Variants in TBL1XR1 observed in about 807,000 individuals in gnomAD.
The protein encoded by TBL1XR1 is TBL1X/Y related 1.
Under a neutral mutation model 66.9 loss-of-function variants are expected in TBL1XR1, and 5 were observed. That is an observed-to-expected ratio of 0.07 (90% confidence interval 0.04 to 0.16). The LOEUF is 0.16. TBL1XR1 is among the 10% of genes least tolerant of loss of function. TBL1XR1 has a pLI of 1.00. For missense variants in TBL1XR1, 238 were observed against 623.2 expected (o/e 0.38, Z 6.58); for synonymous variants, 210 against 206.0 (o/e 1.02, Z -0.17).
chr3:177,201,414 C>CAAAAAAAAAAAAAAAAAAAAAAAAA (rs557996871), upstream of TBL1XR1, among the ~76,000 whole-genome samples: 1 of 41,356 alleles, frequency 2.4e-5, no homozygotes, highest in Non-Finnish European at 5.7e-5. Flanking sequence ...GATTACATCT[C>CAAAAAAAAAAAAAAAAAAAAAAAAA]AAAAAAAAAA....
At chr3:177,152,984 T>TA (rs936679635) in intron 1 of TBL1XR1, among the ~76,000 whole-genome samples, 2 of 151,734 alleles carry the variant, frequency 1.3e-5, no homozygotes, top group Non-Finnish European at 2.9e-5. Context: ...CTACTAAAAA[T>TA]AAAAAAACTA....
chr3:177,084,483 G>A (rs1399719438), intron 2 of TBL1XR1, among the ~76,000 whole-genome samples: 2 of 152,218 alleles, frequency 1.3e-5, no homozygotes, highest in Non-Finnish European at 2.9e-5. Flanking sequence ...TGCAGACATC[G>A]ATGCCTTGGT....
chr3:177,071,993 T>C (rs1247990675), intron 2 of TBL1XR1, among the ~76,000 whole-genome samples: 2 of 152,178 alleles, frequency 1.3e-5, no homozygotes, highest in Non-Finnish European at 2.9e-5. Flanking sequence ...CATCACTCCA[T>C]AACCACACTG....
intron 1 of TBL1XR1, among the ~76,000 whole-genome samples, chr3:177,129,017 C>T (rs1343913189): frequency 6.6e-6 from 1 of 152,150 alleles, no homozygotes; most frequent in Non-Finnish European, 1.5e-5. Flanking sequence ...TCATGTTCAG[C>T]ACGGTCATTT....
intron 10 of TBL1XR1, among the ~76,000 whole-genome samples, chr3:177,040,684 T>C (rs573886960): frequency 6.6e-6 from 1 of 152,230 alleles, no homozygotes; most frequent in Admixed American, 6.5e-5. Context: ...GTGAAATTGA[T>C]TTCACTGCCT....
intron 1 of TBL1XR1, among the ~76,000 whole-genome samples, chr3:177,154,013 A>G (rs1052783023): frequency 3.9e-5 from 6 of 152,030 alleles, no homozygotes; most frequent in Non-Finnish European, 8.8e-5. Context: ...AAAAAAAAAG[A>G]ACAGATAAGA....
chr3:177,105,847 T>G lies in TBL1XR1; in HGVS notation c.-121-7306A>C, dbSNP rs903387674. On this transcript the variant is annotated intron_variant, in intron 1 of 15. Coordinates refer to ENST00000457928, the MANE Select transcript of TBL1XR1 (RefSeq NM_024665.7). ...GGGACTGAGAACCACTGGGTGGGGG[T>G]GGGAAGGGAAGGGACAGGATGGAGA... Among the ~76,000 whole-genome samples the G allele has an allele frequency of 4.0e-5, 6 of 151,036 alleles. No homozygotes were observed. The South Asian group carries it at 1.3e-3, about 32-fold the overall frequency.
At chr3:177,041,517 G>GTT (rs748448633) in intron 10 of TBL1XR1, among the ~76,000 whole-genome samples, 24 of 152,218 alleles carry the variant, frequency 1.6e-4, no homozygotes, top group Middle Eastern at 3.4e-3. Context: ...TCACTCAAAT[G>GTT]TTTGGCACAG....
chr3:177,037,194 T>G (rs918101249), intron 12 of TBL1XR1, among the ~76,000 whole-genome samples: 6 of 152,178 alleles, frequency 3.9e-5, no homozygotes, highest in Non-Finnish European at 8.8e-5. Context: ...CGCAAAGAAT[T>G]CCAATCAAAT....
At chr3:177,182,630 T>A (rs1320692256) in intron 1 of TBL1XR1, among the ~76,000 whole-genome samples, 1 of 152,146 alleles carries the variant, frequency 6.6e-6, no homozygotes, top group East Asian at 1.9e-4. Context: ...GAGAGAGACC[T>A]GTTTTCAAGG....
At chr3:177,038,958 C>T (rs1366407265) in intron 10 of TBL1XR1, among the ~76,000 whole-genome samples, 6 of 152,052 alleles carry the variant, frequency 3.9e-5, no homozygotes, top group Admixed American at 3.9e-4. Context: ...TCTGAAAATC[C>T]AAAATCCACA....
intron 1 of TBL1XR1, among the ~76,000 whole-genome samples, chr3:177,109,774 G>A (rs1008348087): frequency 1.3e-5 from 2 of 151,980 alleles, no homozygotes; most frequent in Admixed American, 1.3e-4. Flanking sequence ...GAAGTTGGGG[G>A]GAAGAGAGGT....
chr3:177,069,358 G>T (rs1295760608), intron 2 of TBL1XR1, among the ~76,000 whole-genome samples: 8 of 152,130 alleles, frequency 5.3e-5, no homozygotes, highest in African/African-American at 1.7e-4. Flanking sequence ...ATCTCATTAA[G>T]AAATATTTCA....
intron 2 of TBL1XR1, among the ~76,000 whole-genome samples, chr3:177,073,734 C>T (rs1028361460): frequency 2.6e-5 from 4 of 152,140 alleles, no homozygotes; most frequent in African/African-American, 9.7e-5. Flanking sequence ...CCAAACTTAC[C>T]CCATTTGCTA....
chr3:177,070,029 TA>T (rs1719760727), intron 2 of TBL1XR1, among the ~76,000 whole-genome samples: 1 of 152,220 alleles, frequency 6.6e-6, no homozygotes, highest in Non-Finnish European at 1.5e-5. Flanking sequence ...AATGCTTTTT[TA>T]AAAAACAGAA....
At chr3:177,131,186 T>C (rs1221220702) in intron 1 of TBL1XR1, among the ~76,000 whole-genome samples, 2 of 152,136 alleles carry the variant, frequency 1.3e-5, no homozygotes, top group Admixed American at 6.5e-5. Context: ...CGGGAATCCA[T>C]GTCAAGCGTA....
At chr3:177,103,402 CA>C (rs1286139351) in intron 1 of TBL1XR1, among the ~76,000 whole-genome samples, 1 of 152,082 alleles carries the variant, frequency 6.6e-6, no homozygotes, top group African/African-American at 2.4e-5. Context: ...GCTTTGCTTC[CA>C]AAAATGTATT....
chr3:177,074,949 G>C (rs1335650916), intron 2 of TBL1XR1, among the ~76,000 whole-genome samples: 1 of 152,096 alleles, frequency 6.6e-6, no homozygotes, highest in Non-Finnish European at 1.5e-5. Flanking sequence ...CTGGTAATCT[G>C]TACAAAATGT....
intron 2 of TBL1XR1, among the ~76,000 whole-genome samples, chr3:177,077,179 C>T (rs975346322): frequency 2.0e-5 from 3 of 152,308 alleles, no homozygotes; most frequent in African/African-American, 4.8e-5. Flanking sequence ...ACAGTACTTT[C>T]GCTGCATACA....
Sources: allele counts gnomAD v4.1 joint callset (sites outside exome capture counted in the v4.1 genomes callset), GRCh38; gene constraint gnomAD v4.1.1; transcripts MANE v1.5; gene names NCBI Gene and HGNC (gene_info 2026-07-23, HGNC 2026-07-21).